STXBP5L: variants seen among roughly 807,000 people sequenced by gnomAD.
STXBP5L encodes syntaxin-binding protein 5-like.
Under a neutral mutation model 144.5 loss-of-function variants are expected in STXBP5L, and 65 were observed. That is an observed-to-expected ratio of 0.45 (90% CI 0.37 to 0.55). The LOEUF (loss-of-function observed/expected upper bound fraction) is 0.55, where lower values mean the gene tolerates loss of function less well. Ranked by LOEUF, STXBP5L falls within the 20% of genes least tolerant of loss-of-function variation. STXBP5L has a pLI of 0.00. For missense variants in STXBP5L, 1,298 were observed against 1,405.5 expected (o/e 0.92, Z 1.22); for synonymous variants, 505 against 469.6 (o/e 1.08, Z -0.97).
At chr3:121,349,003 T>C (rs1369429074) in intron 20 of STXBP5L, among the ~76,000 whole-genome samples, 1 of 152,134 alleles carries the variant, frequency 6.6e-6, no homozygotes, top group East Asian at 1.9e-4. Context: ...CTGTTAGCTT[T>C]TGAATGTGTT....
At chr3:121,198,255 C>CT (rs1389810465) in intron 9 of STXBP5L, among the ~76,000 whole-genome samples, 1 of 152,052 alleles carries the variant, frequency 6.6e-6, no homozygotes, top group East Asian at 1.9e-4. Flanking sequence ...GATGATGAAC[C>CT]TTTTTTCATA....
intron 10 of STXBP5L, among the ~76,000 whole-genome samples, chr3:121,221,526 C>A (rs1178909874): frequency 1.3e-5 from 2 of 151,352 alleles, no homozygotes; most frequent in Admixed American, 6.6e-5. Context: ...TAAGTCGTGG[C>A]CTTTTTTTGC....
chr3:120,974,287 G>A (rs1461873555), intron 3 of STXBP5L, among the ~76,000 whole-genome samples: 1 of 152,082 alleles, frequency 6.6e-6, no homozygotes, highest in Non-Finnish European at 1.5e-5. Flanking sequence ...TTTCTCTGAT[G>A]GCCAGTGATG....
At chr3:120,978,268 T>C (rs1329775928) in intron 3 of STXBP5L, among the ~76,000 whole-genome samples, 1 of 152,198 alleles carries the variant, frequency 6.6e-6, no homozygotes, top group Non-Finnish European at 1.5e-5. Context: ...TTCTCTAAAC[T>C]TCCCTTCTCA....
At chr3:120,918,279 C>T (rs1709200517) in intron 2 of STXBP5L, among the ~76,000 whole-genome samples, 1 of 152,226 alleles carries the variant, frequency 6.6e-6, no homozygotes, top group South Asian at 2.1e-4. Context: ...TTCATTCCAT[C>T]TGCAACCTTA....
chr3:121,043,046 G>T (rs1357589551), intron 4 of STXBP5L, among the ~76,000 whole-genome samples: 1 of 151,648 alleles, frequency 6.6e-6, no homozygotes, highest in East Asian at 1.9e-4. Flanking sequence ...GATCCTTTGA[G>T]ACTTGTCTTC....
chr3:121,170,067 G>A (rs2046650828), intron 9 of STXBP5L, among the ~76,000 whole-genome samples: 1 of 152,152 alleles, frequency 6.6e-6, no homozygotes, highest in Non-Finnish European at 1.5e-5. Flanking sequence ...CAACTACTTG[G>A]AAACTTAACA....
At chr3:120,970,865 T>C (rs749015369) in intron 3 of STXBP5L, among the ~76,000 whole-genome samples, 42 of 152,130 alleles carry the variant, frequency 2.8e-4, no homozygotes, top group Admixed American at 7.9e-4. Context: ...TGGAACTAAC[T>C]TATTGCTCTT....
At chr3:121,109,776 C>T (rs1330059855) in intron 5 of STXBP5L, among the ~76,000 whole-genome samples, 1 of 152,110 alleles carries the variant, frequency 6.6e-6, no homozygotes, top group African/African-American at 2.4e-5. Flanking sequence ...TTCTTATCAA[C>T]TTTCTGTGTC....
chr3:121,394,316 T>G (rs1019262666), intron 22 of STXBP5L, among the ~76,000 whole-genome samples: 10 of 152,164 alleles, frequency 6.6e-5, no homozygotes, highest in African/African-American at 2.4e-4. Flanking sequence ...TAGGAGTCTT[T>G]TGAAGGAGTC....
At chr3:121,010,098 T>G (rs1944657111) in intron 3 of STXBP5L, among the ~76,000 whole-genome samples, 1 of 151,890 alleles carries the variant, frequency 6.6e-6, no homozygotes, top group Non-Finnish European at 1.5e-5. Context: ...TTCATATCAT[T>G]TTTGGAGAAC....
At chr3:121,295,973 T>C in intron 19 of STXBP5L, among the ~76,000 whole-genome samples, 1 of 152,194 alleles carries the variant, frequency 6.6e-6, no homozygotes, top group East Asian at 1.9e-4. Context: ...TATCTTATTA[T>C]ATTACCAAGT....
At chr3:121,094,428 A>T (rs993011443) in intron 5 of STXBP5L, among the ~76,000 whole-genome samples, 6 of 152,080 alleles carry the variant, frequency 3.9e-5, no homozygotes, top group African/African-American at 1.4e-4. Flanking sequence ...TAGGTCACTC[A>T]GGACTTGCTT....
intron 21 of STXBP5L, among the ~76,000 whole-genome samples, chr3:121,379,798 G>T (rs2046282035): frequency 6.6e-6 from 1 of 152,094 alleles, no homozygotes; most frequent in South Asian, 2.1e-4. Flanking sequence ...TATAAAAGAA[G>T]CAATATGTAA....
chr3:121,063,082 G>A (rs2041362686), intron 5 of STXBP5L, among the ~76,000 whole-genome samples: 1 of 152,188 alleles, frequency 6.6e-6, no homozygotes, highest in African/African-American at 2.4e-5. Flanking sequence ...TGGAGCAGAA[G>A]AGTCATTCTG....
chr3:120,983,107 T>A lies in STXBP5L; in HGVS notation c.287+28070T>A, dbSNP rs550106395. ...CTGACAGCAGTGGTAGTGGTATCTG[T>A]CCTTGAGGCATATGAAAGTGCCTGA... On this transcript the variant is annotated intron_variant, in intron 3 of 26. Coordinates refer to ENST00000471454, the MANE Select transcript of STXBP5L (RefSeq NM_001308330.2). Among the ~76,000 whole-genome samples, 6 of 152,282 alleles carry A rather than the reference T, an allele frequency of 3.9e-5. No individual in the cohort carries two copies. The South Asian group carries it at 1.2e-3, about 32-fold the overall frequency.
chr3:121,282,115 A>T, intron 19 of STXBP5L: 458 of 264,704 alleles, frequency 1.7e-3, no homozygotes, highest in East Asian at 2.4e-3. Context: ...TTTTATTAAT[A>T]TCTCCTTCTA....
chr3:121,407,610 G>A lies in STXBP5L; in HGVS notation c.2948+7G>A, dbSNP rs762430784. The A allele has an allele frequency of 1.9e-6, 3 of 1,612,706 alleles. No homozygotes were observed. The highest frequency in any genetic ancestry group is 2.5e-6 in the Non-Finnish European group (3 of 1,179,378). On this transcript the variant is annotated splice_region_variant and intron_variant, in intron 23 of 26. Coordinates refer to ENST00000471454, the MANE Select transcript of STXBP5L (RefSeq NM_001308330.2). ...GACATATCATGATAATGAGGTACTT[G>A]CCTTCTTATAAATTATCTGGTAATC...
At chr3:121,190,505 TC>T (rs1450700348) in intron 9 of STXBP5L, among the ~76,000 whole-genome samples, 1 of 152,122 alleles carries the variant, frequency 6.6e-6, no homozygotes, top group African/African-American at 2.4e-5. Context: ...TCCCCACATT[TC>T]CCCCTTTTCT....
Sources: allele counts gnomAD v4.1 joint callset (sites outside exome capture counted in the v4.1 genomes callset), GRCh38; gene constraint gnomAD v4.1.1; transcripts MANE v1.5; gene names NCBI Gene and HGNC (gene_info 2026-07-23, HGNC 2026-07-21).